Variants in RHOJ observed in about 807,000 individuals in gnomAD.
RHOJ encodes ras homolog family member J, also known as rho-related GTP-binding protein RhoJ.
Under a neutral mutation model 23.4 loss-of-function variants are expected in RHOJ, and 11 were observed. The ratio of observed to expected loss-of-function variants is 0.47; its 90% CI spans 0.30 to 0.78. The LOEUF is 0.78. Among genes scored for constraint, RHOJ ranks in the 30% least tolerant of loss-of-function variants. The pLI is 0.08. For synonymous variants in RHOJ, 102 were observed against 102.7 expected (o/e 0.99, Z 0.04); for missense variants, 254 against 273.4 (o/e 0.93, Z 0.50).
chr14:63,223,104 T>G (rs1252370058), intron 1 of RHOJ, among the ~76,000 whole-genome samples: 2 of 152,298 alleles, frequency 1.3e-5, no homozygotes, highest in Middle Eastern at 3.4e-3. Flanking sequence ...AGTTTGTTTT[T>G]CACAGAATTC....
intron 1 of RHOJ, among the ~76,000 whole-genome samples, chr14:63,247,511 G>C (rs116352412): frequency 6.6e-6 from 1 of 152,104 alleles, no homozygotes; most frequent in Admixed American, 6.5e-5. Context: ...TAGAAGAAAT[G>C]ATGGACATTT....
intron 1 of RHOJ, among the ~76,000 whole-genome samples, chr14:63,222,443 A>C (rs866989695): frequency 1.3e-5 from 2 of 152,180 alleles, no homozygotes; most frequent in African/African-American, 4.8e-5. Context: ...TCCCACCAAC[A>C]GTGTAAAAGT....
At chr14:63,215,065 A>T (rs926728234) in intron 1 of RHOJ, among the ~76,000 whole-genome samples, 10 of 152,162 alleles carry the variant, frequency 6.6e-5, no homozygotes, top group African/African-American at 2.4e-4. Flanking sequence ...CAGCCTTGTG[A>T]TTATGAAATG....
intron 1 of RHOJ, among the ~76,000 whole-genome samples, chr14:63,231,438 C>A (rs9635243): frequency 0.11 from 16,041 of 152,244 alleles, 1,060 homozygotes; most frequent in East Asian, 0.27. Flanking sequence ...TCTGCTTCAA[C>A]CATTGTTTTT....
In RHOJ at chr14:63,292,636, T is replaced by C. The variant is rs1882286248; in HGVS notation, c.*1612T>C. On this transcript the variant is annotated 3_prime_UTR_variant, in exon 5 of 5. Transcript: ENST00000316754. ...AGCCAGCCTTTCTAATCTCTTCTGC[T>C]ACTGGAATAAGCACTTAAGAATTGC... 1.3e-5 allele frequency: 2 copies of C among 152,164 alleles called. No homozygotes were observed. The highest frequency in any genetic ancestry group is 2.1e-4 in the South Asian group (1 of 4,828). The allele number at this position is 152,164 out of a possible 1,614,324, so 9.4% of individuals were successfully genotyped here.
In RHOJ at chr14:63,224,380, T is replaced by C. The variant is rs1427292466; in HGVS notation, c.178+19333T>C. ...TCTCTGCTTCATGTACTGTAACTCATGCGCACGGTCTTGTTCCTTTTATGG... is the reference window on the plus strand; with the variant it reads ...TCTCTGCTTCATGTACTGTAACTCACGCGCACGGTCTTGTTCCTTTTATGG... On this transcript the variant is annotated intron_variant, in intron 1 of 4. Coordinates refer to ENST00000316754, the MANE Select transcript of RHOJ (RefSeq NM_020663.5). 4.6e-5 allele frequency among the ~76,000 whole-genome samples: 7 copies of C among 152,346 alleles called. No homozygotes were observed. In the South Asian group the frequency reaches 1.5e-3, roughly 32 times the overall value.
At position 63,279,325 on chromosome 14, in the gene RHOJ, T is replaced by C. The variant is rs538083564; in HGVS notation, c.238-1646T>C. Among the ~76,000 whole-genome samples the C allele has an allele frequency of 3.3e-5, 5 of 152,370 alleles. No homozygotes were observed. The South Asian group carries it at 8.3e-4, about 25-fold the overall frequency. Reference sequence around the variant, plus strand: ...TATAGTGCACACACATCATATATAGTGTGTATACACATACAAATTATGTAT... The same window carrying C: ...TATAGTGCACACACATCATATATAGCGTGTATACACATACAAATTATGTAT... On this transcript the variant is annotated intron_variant, in intron 2 of 4. Transcript: ENST00000316754.
chr14:63,273,186 CCT>C (rs1895502725), intron 2 of RHOJ, among the ~76,000 whole-genome samples: 1 of 152,146 alleles, frequency 6.6e-6, no homozygotes, highest in South Asian at 2.1e-4. Flanking sequence ...CGTTTAATTC[CCT>C]GTTAGGTAGA....
chr14:63,226,240 A>G (rs1019522088), intron 1 of RHOJ, among the ~76,000 whole-genome samples: 7 of 152,110 alleles, frequency 4.6e-5, no homozygotes, highest in Non-Finnish European at 2.9e-5. Context: ...ATATTTTGCT[A>G]TGACTGAGAA....
chr14:63,261,161 G>C (rs1555347653), intron 1 of RHOJ, among the ~76,000 whole-genome samples: 1 of 151,972 alleles, frequency 6.6e-6, no homozygotes. Context: ...AATTTAAATT[G>C]TTTTCACTCC....
intron 1 of RHOJ, among the ~76,000 whole-genome samples, chr14:63,255,866 T>C (rs552544503): frequency 2.0e-5 from 3 of 151,650 alleles, no homozygotes; most frequent in South Asian, 2.1e-4. Flanking sequence ...CTTTTTTTTT[T>C]ACCTTTTTTA....
intron 1 of RHOJ, among the ~76,000 whole-genome samples, chr14:63,263,645 A>C (rs1363928056): frequency 6.6e-6 from 1 of 152,190 alleles, no homozygotes; most frequent in Non-Finnish European, 1.5e-5. Flanking sequence ...TACACAGCAA[A>C]GCTGAACATC....
chr14:63,228,672 GCA>G (rs1412749692), intron 1 of RHOJ, among the ~76,000 whole-genome samples: 1 of 151,208 alleles, frequency 6.6e-6, no homozygotes, highest in Non-Finnish European at 1.5e-5. Context: ...CAATTGCAAT[GCA>G]CACACACTTT....
At chr14:63,282,246 T>C (rs1484007175) in intron 3 of RHOJ, among the ~76,000 whole-genome samples, 1 of 151,050 alleles carries the variant, frequency 6.6e-6, no homozygotes, top group Non-Finnish European at 1.5e-5. Context: ...TTATTAGAGA[T>C]AGGCACAAAA....
At chr14:63,231,540 C>T (rs1269419580) in intron 1 of RHOJ, among the ~76,000 whole-genome samples, 1 of 152,198 alleles carries the variant, frequency 6.6e-6, no homozygotes, top group African/African-American at 2.4e-5. Flanking sequence ...GACGCACACA[C>T]ATGTACGGTG....
At chr14:63,222,498 C>A (rs1894516193) in intron 1 of RHOJ, among the ~76,000 whole-genome samples, 1 of 152,134 alleles carries the variant, frequency 6.6e-6, no homozygotes, top group Non-Finnish European at 1.5e-5. Context: ...TGTTTCCTGA[C>A]TTTTTAATGA....
chr14:63,272,753 C>T lies in RHOJ; in HGVS notation c.237+3585C>T, dbSNP rs750537705. Among the ~76,000 whole-genome samples, 2 of 152,292 alleles carry T rather than the reference C, an allele frequency of 1.3e-5. 1 individual carries two copies. Among genetic ancestry groups the T allele is most frequent in the Middle Eastern group, 6.8e-3 (2 of 294 alleles). Reference sequence around the variant, plus strand: ...AAGATAGTTTATAATGGGCTGGGCACGGTGGCTCATGCCTGTAATCCCAGC... The same window carrying T: ...AAGATAGTTTATAATGGGCTGGGCATGGTGGCTCATGCCTGTAATCCCAGC... On this transcript the variant is annotated intron_variant, in intron 2 of 4. Transcript: ENST00000316754.
intron 1 of RHOJ, among the ~76,000 whole-genome samples, chr14:63,222,256 G>A (rs951754819): frequency 6.6e-6 from 1 of 151,976 alleles, no homozygotes; most frequent in Non-Finnish European, 1.5e-5. Flanking sequence ...CCAAGTCTTT[G>A]CTATTGTGAA....
At chr14:63,235,254 G>C (rs1219146885) in intron 1 of RHOJ, among the ~76,000 whole-genome samples, 1 of 151,374 alleles carries the variant, frequency 6.6e-6, no homozygotes, top group Non-Finnish European at 1.5e-5. Flanking sequence ...AAAAGGTGAA[G>C]AGACAGCTAT....
Sources: allele counts gnomAD v4.1 joint callset (sites outside exome capture counted in the v4.1 genomes callset), GRCh38; gene constraint gnomAD v4.1.1; transcripts MANE v1.5; gene names NCBI Gene and HGNC (gene_info 2026-07-23, HGNC 2026-07-21).